The following RSPH14 variants were observed in gnomAD, a reference collection of about 807,000 sequenced individuals.
The protein encoded by RSPH14 is rhabdoid tumor deletion region gene 1.
Under a neutral mutation model 26.7 loss-of-function variants are expected in RSPH14, and 20 were observed. The observed-to-expected ratio is 0.75, with a 90% CI of 0.53 to 1.09. The LOEUF is 1.09. Among genes scored for constraint, RSPH14 ranks in the 50% least tolerant of loss-of-function variants. The pLI is 0.00. For missense variants in RSPH14, 449 were observed against 457.2 expected, an observed-to-expected ratio of 0.98 and a Z score of 0.16; for synonymous variants, 177 against 189.3, an observed-to-expected ratio of 0.93 and a Z score of 0.53.
the RSPH14 span, chr22:23,161,392 G>A: frequency 2.0e-6 from 2 of 1,023,478 alleles, no homozygotes; most frequent in Non-Finnish European, 1.5e-6. Context: ...TGAACAGCAG[G>A]CCCAGAAGCT....
chr22:23,078,345 T>C (rs1353335826), intron 4 of RSPH14, among the ~76,000 whole-genome samples: 15 of 152,228 alleles, frequency 9.9e-5, no homozygotes, highest in Admixed American at 9.8e-4. Flanking sequence ...ATTTCCTCTA[T>C]GATAACACCA....
intron 1 of RSPH14, among the ~76,000 whole-genome samples, chr22:23,141,307 G>A (rs974021498): frequency 2.3e-5 from 3 of 127,956 alleles, no homozygotes; most frequent in African/African-American, 9.1e-5. Context: ...CCAGCCTGGC[G>A]ACAAAGCAAG....
rs765078550 is a variant in RSPH14 at position 23,059,633 on chromosome 22, G to A, written c.876C>T (p.Ala292=). The A allele has an allele frequency of 3.7e-6, 6 of 1,609,152 alleles. No homozygotes were observed. The highest frequency in any genetic ancestry group is 3.4e-6 in the Non-Finnish European group (4 of 1,177,870). ...HSPMTIARLN[A]TKALTMLAEA... is the part of the protein sequence containing the mutation. ...CTGCCAGCATGGTAAGGGCCTTGGT[G>A]GCATTCAGGCGCGCTATGGTCATGG... The change falls in exon 7 of 7, where the codon GCC becomes GCT. Residue 292 remains alanine (A), a synonymous_variant. Transcript: ENST00000216036.
the RSPH14 span, chr22:23,164,385 TGACA>T: frequency 6.6e-6 from 1 of 152,384 alleles, no homozygotes; most frequent in African/African-American, 2.4e-5. Flanking sequence ...ACACCCTGAC[TGACA>T]TAGTTGTGGC....
chr22:23,157,777 A>G, the RSPH14 span, among the ~76,000 whole-genome samples: 2 of 152,054 alleles, frequency 1.3e-5, no homozygotes, highest in Non-Finnish European at 2.9e-5. Context: ...TGGATCCCAC[A>G]CTGAGGCTGG....
At chr22:23,070,683 C>G (rs1479466010) in intron 4 of RSPH14, 1 of 152,030 alleles carries the variant, frequency 6.6e-6, no homozygotes, top group Admixed American at 6.5e-5. Flanking sequence ...CTTTGTGCCC[C>G]GGATCCGCCA....
Position 23,061,837 on chromosome 22 carries a change from G to A in RSPH14, c.762C>T (p.Ala254=). The stretch of plus-strand genomic sequence containing the variant: ...CAGTGATCACTGTGGCGAACATCAG[G>A]GCACCGGCAGCGTTAGACTTCACAT... ...VEHVKSNAAG[A]LMFATVITEG... is the part of the protein sequence containing the mutation. The change falls in exon 6 of 7, where the codon GCC becomes GCT. Residue 254 remains alanine (A), a synonymous_variant. Transcript: ENST00000216036. 1 of 1,614,088 alleles carries A rather than the reference G, an allele frequency of 6.2e-7. No homozygotes were observed. Among genetic ancestry groups the A allele is most frequent in the Non-Finnish European group, 8.5e-7 (1 of 1,180,020 alleles).
At chr22:23,092,420 C>T (rs539214808) in intron 4 of RSPH14, among the ~76,000 whole-genome samples, 25 of 152,104 alleles carry the variant, frequency 1.6e-4, no homozygotes, top group Non-Finnish European at 3.1e-4. Context: ...CCCACAGAGC[C>T]GCAGGGAGAA....
upstream of RSPH14, chr22:23,145,428 G>T: frequency 6.2e-7 from 1 of 1,610,636 alleles, no homozygotes. Flanking sequence ...CGCAGACCCC[G>T]CCCACGACGT....
chr22:23,167,063 G>A, the RSPH14 span, among the ~76,000 whole-genome samples: 1 of 151,986 alleles, frequency 6.6e-6, no homozygotes, highest in Non-Finnish European at 1.5e-5. Context: ...GAAGAGATGG[G>A]ACACACCTGA....
intron 4 of RSPH14, among the ~76,000 whole-genome samples, chr22:23,083,329 G>A (rs764325054): frequency 3.9e-5 from 6 of 152,056 alleles, no homozygotes; most frequent in Non-Finnish European, 7.4e-5. Context: ...GGGATATCAC[G>A]GGCTCCAGGA....
At chr22:23,110,714 C>T (rs2069620358) in intron 4 of RSPH14, among the ~76,000 whole-genome samples, 1 of 152,242 alleles carries the variant, frequency 6.6e-6, no homozygotes, top group Non-Finnish European at 1.5e-5. Context: ...GGTGTCCACC[C>T]TGGTTGTCAT....
chr22:23,115,686 G>A (rs1269873869), intron 4 of RSPH14, among the ~76,000 whole-genome samples: 1 of 152,208 alleles, frequency 6.6e-6, no homozygotes, highest in Non-Finnish European at 1.5e-5. Context: ...AGCACTGCTG[G>A]CCACCCCTGC....
chr22:23,119,694 A>T (rs2069955546), intron 4 of RSPH14, among the ~76,000 whole-genome samples: 3 of 152,180 alleles, frequency 2.0e-5, no homozygotes, highest in Admixed American at 2.0e-4. Flanking sequence ...GGACGCTGGG[A>T]TGGAGTGAGG....
chr22:23,113,884 A>AC (rs1477493872), intron 4 of RSPH14, among the ~76,000 whole-genome samples: 6 of 152,092 alleles, frequency 3.9e-5, no homozygotes, highest in Non-Finnish European at 5.9e-5. Flanking sequence ...AAGGGCAGGC[A>AC]CCCGCTACCG....
rs181806834 is a variant in RSPH14 at position 23,066,281 on chromosome 22, A to T, written c.422-2148T>A. Among the ~76,000 whole-genome samples the T allele has an allele frequency of 1.6e-3, 249 of 152,252 alleles. 1 individual carries two copies. Among genetic ancestry groups the T allele is most frequent in the African/African-American group, 5.8e-3 (242 of 41,534 alleles). ...GGACAGGTGTCATTGCTGAGTCAGG[A>T]TGGGCACAAGTTAGGGGAGGAATAT... is the stretch of plus-strand genomic sequence containing the variant. On this transcript the variant is annotated intron_variant, in intron 4 of 6. Coordinates refer to ENST00000216036, the MANE Select transcript of RSPH14 (RefSeq NM_014433.3).
At chr22:23,072,231 CTG>C (rs938212990) in intron 4 of RSPH14, among the ~76,000 whole-genome samples, 65 of 152,302 alleles carry the variant, frequency 4.3e-4, no homozygotes, top group African/African-American at 1.5e-3. Flanking sequence ...GCTAGTGACT[CTG>C]TGCCTCTGGG....
At chr22:23,152,643 C>A in the RSPH14 span, 2 of 1,030,156 alleles carry the variant, frequency 1.9e-6, no homozygotes, top group Non-Finnish European at 3.0e-6. Flanking sequence ...CCAGGAACTG[C>A]TGTGCCTCAG....
intron 4 of RSPH14, among the ~76,000 whole-genome samples, chr22:23,099,147 C>T (rs947478048): frequency 1.3e-5 from 2 of 152,254 alleles, no homozygotes; most frequent in African/African-American, 4.8e-5. Context: ...GAGCCACAGC[C>T]CCCCGGCCCA....
Sources: gnomAD v4.1 joint callset for allele counts (sites outside exome capture counted in the v4.1 genomes callset) on GRCh38, gnomAD v4.1.1 for gene constraint, MANE v1.5 for transcripts, NCBI Gene and HGNC (gene_info 2026-07-23, HGNC 2026-07-21) for gene names.